FSTL5: variants seen among roughly 807,000 people sequenced by gnomAD.
FSTL5 encodes the protein follistatin-related protein 5.
FSTL5 carries 62 observed loss-of-function variants against 89.1 expected under a neutral mutation model. The ratio of observed to expected loss-of-function variants is 0.70; its 90% CI spans 0.57 to 0.86. The LOEUF (loss-of-function observed/expected upper bound fraction) is 0.86. Among genes scored for constraint, FSTL5 ranks in the 40% least tolerant of loss-of-function variants. The pLI is 0.00. For missense variants in FSTL5, 1,057 were observed against 1,001.6 expected (o/e 1.06, Z -0.75); for synonymous variants, 383 against 346.2 (o/e 1.11, Z -1.18).
chr4:161,940,314 G>A (rs565113962), intron 3 of FSTL5, among the ~76,000 whole-genome samples: 144 of 151,684 alleles, frequency 9.5e-4, no homozygotes, highest in Middle Eastern at 3.4e-3. Flanking sequence ...ATCAAAATAC[G>A]CTATCTGCAT....
chr4:161,720,643 G>A (rs932320920), intron 6 of FSTL5, among the ~76,000 whole-genome samples: 5 of 152,114 alleles, frequency 3.3e-5, no homozygotes, highest in South Asian at 2.1e-4. Flanking sequence ...AGTAAATAAC[G>A]AAAATAGTGT....
intron 5 of FSTL5, among the ~76,000 whole-genome samples, chr4:161,771,089 T>C (rs2126799980): frequency 6.6e-6 from 1 of 152,132 alleles, no homozygotes; most frequent in Admixed American, 6.5e-5. Context: ...AATGCTAAAG[T>C]TTTTACTAGC....
At chr4:161,923,666 G>C (rs1190640154) in intron 3 of FSTL5, among the ~76,000 whole-genome samples, 1 of 151,650 alleles carries the variant, frequency 6.6e-6, no homozygotes. Context: ...GTCACAAATT[G>C]AGGTAGCTTT....
intron 6 of FSTL5, among the ~76,000 whole-genome samples, chr4:161,668,022 G>A (rs1736961507): frequency 6.6e-6 from 1 of 151,888 alleles, no homozygotes; most frequent in Non-Finnish European, 1.5e-5. Context: ...AAGAAAGAAT[G>A]AAAATTAGAA....
intron 3 of FSTL5, among the ~76,000 whole-genome samples, chr4:161,972,832 C>G (rs1476913196): frequency 6.6e-6 from 1 of 152,308 alleles, no homozygotes; most frequent in East Asian, 1.9e-4. Context: ...AGGGTGCCAT[C>G]ACTTTCACAT....
intron 7 of FSTL5, among the ~76,000 whole-genome samples, chr4:161,640,813 A>G (rs2126667755): frequency 6.6e-6 from 1 of 152,342 alleles, no homozygotes; most frequent in African/African-American, 2.4e-5. Context: ...AGTCTCCACA[A>G]ACTCCAAGTA....
At chr4:161,583,233 T>C (rs147142825) in intron 8 of FSTL5, among the ~76,000 whole-genome samples, 4 of 152,146 alleles carry the variant, frequency 2.6e-5, no homozygotes, top group African/African-American at 7.2e-5. Context: ...TTCTTTCTCA[T>C]GTGTCAGGTG....
At chr4:162,123,141 C>A (rs900473180) in intron 1 of FSTL5, among the ~76,000 whole-genome samples, 5 of 152,102 alleles carry the variant, frequency 3.3e-5, no homozygotes, top group Admixed American at 6.5e-5. Flanking sequence ...AGGTCTCCAG[C>A]AGCCTGTGTT....
At chr4:161,550,358 T>C (rs1732156634) in intron 8 of FSTL5, among the ~76,000 whole-genome samples, 1 of 151,886 alleles carries the variant, frequency 6.6e-6, no homozygotes, top group African/African-American at 2.4e-5. Context: ...AATGAATTTT[T>C]TTGAAATACA....
At chr4:161,835,149 C>CAA (rs1730994058) in intron 4 of FSTL5, among the ~76,000 whole-genome samples, 2 of 149,812 alleles carry the variant, frequency 1.3e-5, no homozygotes, top group Non-Finnish European at 3.0e-5. Flanking sequence ...AATAACGCTG[C>CAA]ATATCTACAA....
chr4:161,821,633 A>C (rs1175854774), intron 4 of FSTL5, among the ~76,000 whole-genome samples: 3 of 152,120 alleles, frequency 2.0e-5, no homozygotes, highest in Non-Finnish European at 4.4e-5. Context: ...GCATCCTCAT[A>C]GCTTAGCTCC....
At position 162,055,525 on chromosome 4, in the gene FSTL5, TGATAGATAGATA is replaced by T. The variant is rs67961016; in HGVS notation, c.127-21879_127-21868del. Among the ~76,000 whole-genome samples, 218 of 148,662 alleles carry T rather than the reference TGATAGATAGATA, an allele frequency of 1.5e-3. 5 individuals are homozygous for T. Among genetic ancestry groups the T allele is most frequent in the African/African-American group, 4.5e-3 (182 of 40,370 alleles). ...AAATAGATAGATGATAGATAGAGGA[TGATAGATAGATA>T]GATAGATAGATAGATAGATAGATAG... On this transcript the variant is annotated intron_variant, in intron 2 of 15. Coordinates refer to ENST00000306100, the MANE Select transcript of FSTL5 (RefSeq NM_020116.5).
At chr4:162,065,445 T>C (rs761295912) in intron 2 of FSTL5, among the ~76,000 whole-genome samples, 4 of 151,996 alleles carry the variant, frequency 2.6e-5, no homozygotes, top group Non-Finnish European at 2.9e-5. Context: ...CCAATAGATA[T>C]ATGAAAAGGT....
intron 3 of FSTL5, among the ~76,000 whole-genome samples, chr4:162,027,769 ATTAAAGAG>A (rs1560978450): frequency 6.7e-6 from 1 of 150,166 alleles, no homozygotes; most frequent in Non-Finnish European, 1.5e-5. Context: ...CTTATTGGTA[ATTAAAGAG>A]TTGCCAGTTA....
chr4:161,472,913 C>T (rs922452393), intron 13 of FSTL5, among the ~76,000 whole-genome samples: 15 of 151,848 alleles, frequency 9.9e-5, no homozygotes, highest in Non-Finnish European at 1.9e-4. Flanking sequence ...TTAGTAGAGA[C>T]GGGGTTTCAC....
intron 2 of FSTL5, among the ~76,000 whole-genome samples, chr4:162,055,050 A>G (rs1256204314): frequency 6.6e-6 from 1 of 151,920 alleles, no homozygotes; most frequent in Non-Finnish European, 1.5e-5. Context: ...TTTTGTGGAT[A>G]GCATGTATGA....
At chr4:161,870,899 G>A (rs1178451080) in intron 4 of FSTL5, among the ~76,000 whole-genome samples, 3 of 152,076 alleles carry the variant, frequency 2.0e-5, no homozygotes, top group Non-Finnish European at 4.4e-5. Context: ...ATGACAGGTA[G>A]GGAAGAGAAT....
chr4:161,435,716 C>A (rs954812861), intron 15 of FSTL5, among the ~76,000 whole-genome samples: 3 of 150,412 alleles, frequency 2.0e-5, no homozygotes, highest in Non-Finnish European at 4.4e-5. Flanking sequence ...TATGTAATTA[C>A]ATATATATAA....
intron 2 of FSTL5, among the ~76,000 whole-genome samples, chr4:162,085,172 T>A (rs1458007246): frequency 6.6e-6 from 1 of 152,094 alleles, no homozygotes; most frequent in African/African-American, 2.4e-5. Context: ...TACATTTTCA[T>A]CCTGAATATT....
Sources: allele counts gnomAD v4.1 joint callset (sites outside exome capture counted in the v4.1 genomes callset), GRCh38; gene constraint gnomAD v4.1.1; transcripts MANE v1.5; gene names NCBI Gene and HGNC (gene_info 2026-07-23, HGNC 2026-07-21).